The following ZNF148 variants were observed in gnomAD, a reference collection of about 807,000 sequenced individuals.
ZNF148 encodes the protein Beta-Enolase Repressor Factor-1.
Under a neutral mutation model 67.7 loss-of-function variants are expected in ZNF148, and 7 were observed. That is an observed-to-expected ratio of 0.10 (90% CI 0.06 to 0.19). The LOEUF is 0.19. Ranked by LOEUF, ZNF148 falls within the 10% of genes least tolerant of loss-of-function variation. ZNF148 has a pLI of 1.00. For missense variants in ZNF148, 583 were observed against 947.1 expected (o/e 0.62, Z 5.05); for synonymous variants, 333 against 330.7 (o/e 1.01, Z -0.08).
At chr3:125,369,262 A>C (rs1341053773) in intron 1 of ZNF148, among the ~76,000 whole-genome samples, 23 of 38,996 alleles carry the variant, frequency 5.9e-4, no homozygotes, top group Admixed American at 1.1e-3. Flanking sequence ...ATCCTGCCTC[A>C]AAAAAAAAAA....
intron 4 of ZNF148, among the ~76,000 whole-genome samples, chr3:125,303,268 T>C (rs1282899705): frequency 6.6e-6 from 1 of 152,216 alleles, no homozygotes; most frequent in Non-Finnish European, 1.5e-5. Flanking sequence ...ATCTTTGTTA[T>C]CCTGGCTTAG....
chr3:125,294,708 C>A (rs1939195789), intron 4 of ZNF148, among the ~76,000 whole-genome samples: 1 of 151,978 alleles, frequency 6.6e-6, no homozygotes, highest in Admixed American at 6.6e-5. Flanking sequence ...TGCATTAAAT[C>A]CTACAGTAAC....
At chr3:125,236,345 T>C (rs1393576101) in intron 7 of ZNF148, among the ~76,000 whole-genome samples, 1 of 152,146 alleles carries the variant, frequency 6.6e-6, no homozygotes, top group Non-Finnish European at 1.5e-5. Context: ...GTTACAGGCA[T>C]GAGCCACTGC....
intron 5 of ZNF148, among the ~76,000 whole-genome samples, chr3:125,280,910 G>A (rs1938350334): frequency 1.3e-5 from 2 of 152,052 alleles, no homozygotes; most frequent in Admixed American, 1.3e-4. Context: ...CAAAGGTAGA[G>A]AAATCTGGGA....
intron 7 of ZNF148, among the ~76,000 whole-genome samples, chr3:125,239,850 G>A (rs997561463): frequency 6.6e-6 from 1 of 152,162 alleles, no homozygotes; most frequent in Non-Finnish European, 1.5e-5. Context: ...GAAAGAAAGT[G>A]CAGGCTACAC....
At chr3:125,242,920 TA>T (rs1936432466) in intron 7 of ZNF148, among the ~76,000 whole-genome samples, 1 of 152,246 alleles carries the variant, frequency 6.6e-6, no homozygotes, top group South Asian at 2.1e-4. Flanking sequence ...CATAAGCCTT[TA>T]TAATATCCTT....
rs1196490336 is a variant in ZNF148 at position 125,289,014 on chromosome 3, A to G, written c.334-786T>C. ...GAAAAACCAAGGTTCTAAGATCACT[A>G]ACAGTACCATCGTCAGTTCTCATCA... On this transcript the variant is annotated intron_variant, in intron 4 of 8. Transcript: ENST00000360647. Among the ~76,000 whole-genome samples, 7 of 152,318 alleles carry G rather than the reference A, an allele frequency of 4.6e-5. No individual in the cohort carries two copies. In the South Asian group the frequency reaches 1.2e-3, roughly 27 times the overall value.
At chr3:125,303,864 A>G (rs940602902) in intron 4 of ZNF148, among the ~76,000 whole-genome samples, 1 of 152,088 alleles carries the variant, frequency 6.6e-6, no homozygotes, top group Non-Finnish European at 1.5e-5. Context: ...GTTGCTGCAT[A>G]AAGTACTCAA....
At position 125,226,001 on chromosome 3, in the gene ZNF148, G is replaced by T. The variant is rs1935617798; in HGVS notation, c.*6340C>A. 6.6e-6 allele frequency: 1 copy of T among 152,424 alleles called. No homozygotes were observed. Among genetic ancestry groups the T allele is most frequent in the South Asian group, 2.1e-4 (1 of 4,818 alleles). The allele number at this position is 152,424 out of a possible 1,614,324, so 9.4% of individuals were successfully genotyped here. A position where few individuals can be genotyped will look rare whatever the true frequency, so the allele number is the denominator to read the frequency against. On this transcript the variant is annotated 3_prime_UTR_variant, in exon 9 of 9. Coordinates refer to ENST00000360647, the MANE Select transcript of ZNF148 (RefSeq NM_021964.3). ...AAGCTAGGGTACTGGCAAGGTGGTA[G>T]ATGGATGAAAACAAATCTCCACTAA...
chr3:125,246,151 G>A (rs1936589128), intron 7 of ZNF148, among the ~76,000 whole-genome samples: 2 of 152,058 alleles, frequency 1.3e-5, no homozygotes. Context: ...ATCCACTGTT[G>A]TATTAATCAG....
chr3:125,318,009 T>C (rs1940601153), intron 3 of ZNF148, among the ~76,000 whole-genome samples: 1 of 152,022 alleles, frequency 6.6e-6, no homozygotes, highest in Admixed American at 6.6e-5. Flanking sequence ...CAGGAAATTT[T>C]ACCAGGCCCA....
intron 1 of ZNF148, among the ~76,000 whole-genome samples, chr3:125,346,193 A>C (rs1305266038): frequency 1.3e-5 from 2 of 152,218 alleles, no homozygotes; most frequent in Non-Finnish European, 2.9e-5. Context: ...ATAATACACC[A>C]CATCAATAGA....
intron 4 of ZNF148, among the ~76,000 whole-genome samples, chr3:125,312,901 A>C (rs1195438948): frequency 6.6e-6 from 1 of 152,206 alleles, no homozygotes; most frequent in Non-Finnish European, 1.5e-5. Flanking sequence ...AGAACAGAGA[A>C]TAGGAGCATA....
intron 1 of ZNF148, among the ~76,000 whole-genome samples, chr3:125,338,182 G>A (rs1315145005): frequency 6.6e-6 from 1 of 151,978 alleles, no homozygotes; most frequent in Non-Finnish European, 1.5e-5. Flanking sequence ...CACAGGTAAG[G>A]TCATTTTCAA....
chr3:125,326,798 CT>C (rs1941045304), intron 2 of ZNF148, among the ~76,000 whole-genome samples: 2 of 143,314 alleles, frequency 1.4e-5, no homozygotes, highest in African/African-American at 2.6e-5. Context: ...ATCAAGATAT[CT>C]TTTTATATAT....
Position 125,308,107 on chromosome 3 carries a change from G to T in ZNF148, c.333+5201C>A, listed in dbSNP as rs561106768. On this transcript the variant is annotated intron_variant, in intron 4 of 8. Coordinates refer to ENST00000360647, the MANE Select transcript of ZNF148 (RefSeq NM_021964.3). ...AAAGAAATAAAAGAGATACAGATTG[G>T]AAAGTAAGTAAAACATATGGACAAT... Among the ~76,000 whole-genome samples, 3 of 152,210 alleles carry T rather than the reference G, an allele frequency of 2.0e-5. No homozygotes were observed. In the East Asian group the frequency reaches 5.8e-4, roughly 29 times the overall value.
At chr3:125,297,665 G>C (rs1186786934) in intron 4 of ZNF148, among the ~76,000 whole-genome samples, 1 of 146,160 alleles carries the variant, frequency 6.8e-6, no homozygotes, top group African/African-American at 2.8e-5. Context: ...AATTTCATTA[G>C]TTACTAGTGA....
rs536916076 is a variant in ZNF148, at chr3:125,323,394, T to C, written c.-102A>G. 21 of 697,240 alleles carry C rather than the reference T, an allele frequency of 3.0e-5. No individual in the cohort carries two copies. The highest frequency in any genetic ancestry group is 4.4e-5 in the Non-Finnish European group (17 of 383,372). The allele number at this position is 697,240 out of a possible 1,614,324, so 43.2% of individuals were successfully genotyped here. ...ATCATGGTTGAGTTTCTACCTTTCA[T>C]AGGCTTCAGAAATCCTCAATACCAC... On this transcript the variant is annotated 5_prime_UTR_variant, in exon 3 of 9. An upstream start codon of the reference 5' UTR is lost. Transcript: ENST00000360647.
intron 7 of ZNF148, among the ~76,000 whole-genome samples, chr3:125,255,877 C>G (rs1469788605): frequency 6.6e-6 from 1 of 151,496 alleles, no homozygotes; most frequent in East Asian, 1.9e-4. Context: ...TCTTTAAAAT[C>G]TTCTTGGTCT....
Sources: gnomAD v4.1 joint callset for allele counts (sites outside exome capture counted in the v4.1 genomes callset) on GRCh38, gnomAD v4.1.1 for gene constraint, MANE v1.5 for transcripts, NCBI Gene and HGNC (gene_info 2026-07-23, HGNC 2026-07-21) for gene names.